Variants in ACSM3 observed in about 807,000 individuals in gnomAD.
ACSM3 encodes the protein acyl-coenzyme A synthetase ACSM3, mitochondrial.
Under a neutral mutation model 74.1 loss-of-function variants are expected in ACSM3, and 61 were observed. The observed-to-expected ratio is 0.82, with a 90% CI of 0.67 to 1.02. The LOEUF (loss-of-function observed/expected upper bound fraction) is 1.02. Ranked by LOEUF, ACSM3 falls within the 50% of genes least tolerant of loss-of-function variation. ACSM3 has a pLI of 0.00. For missense variants in ACSM3, 660 were observed against 697.0 expected, an observed-to-expected ratio of 0.95 and a Z score of 0.60; for synonymous variants, 213 against 241.5, an observed-to-expected ratio of 0.88 and a Z score of 1.09.
chr16:20,741,481 G>GCAC, intron 1 of ACSM3: 1 of 1,308,414 alleles, frequency 7.6e-7, no homozygotes, highest in South Asian at 1.8e-5. Context: ...CTGGCAGCCG[G>GCAC]CCCGCCCGCC....
At chr16:20,792,923 G>C (rs1385157505) in intron 12 of ACSM3, among the ~76,000 whole-genome samples, 1 of 152,156 alleles carries the variant, frequency 6.6e-6, no homozygotes, top group Non-Finnish European at 1.5e-5. Context: ...CCTGCGTTTT[G>C]CCTGTGTGTC....
intron 1 of ACSM3, among the ~76,000 whole-genome samples, chr16:20,695,052 T>A (rs2079682259): frequency 6.6e-6 from 1 of 152,200 alleles, no homozygotes; most frequent in African/African-American, 2.4e-5. Context: ...ACCAATGTAC[T>A]CCTCTTGATC....
At chr16:20,741,727 C>T in intron 1 of ACSM3, 1 of 1,571,972 alleles carries the variant, frequency 6.4e-7, no homozygotes, top group Non-Finnish European at 8.6e-7. Context: ...GTCTGCTGGG[C>T]AGGGGCCGCC....
chr16:20,751,624 G>A (rs777783573), intron 2 of ACSM3, among the ~76,000 whole-genome samples: 1 of 152,054 alleles, frequency 6.6e-6, no homozygotes. Context: ...AGTGGGGCTC[G>A]GAGAAGCCCT....
intron 1 of ACSM3, among the ~76,000 whole-genome samples, chr16:20,684,855 G>T (rs1264622132): frequency 6.6e-6 from 1 of 151,620 alleles, no homozygotes; most frequent in Non-Finnish European, 1.5e-5. Context: ...ATGTGTGTTT[G>T]TGTGTGTGTG....
intron 1 of ACSM3, chr16:20,736,232 G>A (rs2079867755): frequency 6.6e-6 from 1 of 152,160 alleles, no homozygotes; most frequent in Non-Finnish European, 1.5e-5. Flanking sequence ...CTAGTATACT[G>A]AAGTATACTC....
At chr16:20,685,450 A>G (rs963433476) in intron 1 of ACSM3, 16 of 1,559,646 alleles carry the variant, frequency 1.0e-5, no homozygotes, top group Non-Finnish European at 1.4e-5. Flanking sequence ...TCAAAGAAAA[A>G]GGGCACTTAG....
intron 1 of ACSM3, among the ~76,000 whole-genome samples, chr16:20,696,183 G>A (rs1045835238): frequency 6.6e-6 from 1 of 152,180 alleles, no homozygotes; most frequent in Admixed American, 6.5e-5. Flanking sequence ...CACTCTATGA[G>A]TTCCCATAAT....
intron 1 of ACSM3, among the ~76,000 whole-genome samples, chr16:20,714,325 T>C (rs1458411297): frequency 2.0e-5 from 3 of 152,052 alleles, no homozygotes; most frequent in African/African-American, 7.2e-5. Flanking sequence ...GGCCAGATTA[T>C]GGAAGATCTC....
At chr16:20,788,575 T>C (rs1484940343) in intron 9 of ACSM3, among the ~76,000 whole-genome samples, 2 of 152,210 alleles carry the variant, frequency 1.3e-5, no homozygotes, top group Non-Finnish European at 1.5e-5. Flanking sequence ...AGTAACATTC[T>C]GGCATCTGGG....
In ACSM3 at chr16:20,797,068, A is replaced by G. The variant is rs2080737348; in HGVS notation, c.*96A>G. The G allele has an allele frequency of 2.7e-6, 4 of 1,486,500 alleles. No individual in the cohort carries two copies. Among genetic ancestry groups the G allele is most frequent in the Non-Finnish European group, 3.6e-6 (4 of 1,124,018 alleles). 92.1% of individuals were successfully genotyped at this position (1,486,500 alleles called of 1,614,324 possible). A position where few individuals can be genotyped will look rare whatever the true frequency, so the allele number is the denominator to read the frequency against. On this transcript the variant is annotated 3_prime_UTR_variant, in exon 14 of 14. Transcript: ENST00000289416. ...ATGGAGAGGTCATAAAAACTGTGGT[A>G]GTATGCTTAGAAACTGTTGATTTAA...
intron 1 of ACSM3, chr16:20,721,106 G>A (rs1356927069): frequency 6.6e-6 from 1 of 152,256 alleles, no homozygotes; most frequent in African/African-American, 2.4e-5. Context: ...TTGATGATGA[G>A]GTCTTTGGAG....
intron 2 of ACSM3, among the ~76,000 whole-genome samples, chr16:20,775,399 T>A (rs1422079226): frequency 2.0e-5 from 3 of 152,092 alleles, no homozygotes; most frequent in Non-Finnish European, 4.4e-5. Context: ...CTCCTGTAGG[T>A]GGGACTTCAG....
chr16:20,741,769 C>T, intron 1 of ACSM3: 1 of 1,552,584 alleles, frequency 6.4e-7, no homozygotes, highest in East Asian at 2.4e-5. Flanking sequence ...GAAAGAGAAA[C>T]GTTTCTCCGC....
intron 1 of ACSM3, among the ~76,000 whole-genome samples, chr16:20,739,235 G>A (rs1438990958): frequency 6.6e-6 from 1 of 151,506 alleles, no homozygotes; most frequent in Non-Finnish European, 1.5e-5. Context: ...GAGTGCAGTG[G>A]TGCGATCTTG....
chr16:20,728,752 G>A (rs982347922), intron 1 of ACSM3, among the ~76,000 whole-genome samples: 5 of 152,000 alleles, frequency 3.3e-5, no homozygotes, highest in African/African-American at 7.3e-5. Flanking sequence ...GGTGGAAGAG[G>A]GGCTTTTTAT....
chr16:20,682,223 T>G, intron 1 of ACSM3: 1 of 1,601,964 alleles, frequency 6.2e-7, no homozygotes, highest in Non-Finnish European at 8.5e-7. Flanking sequence ...ACAACTGTAC[T>G]CAGAGATTAT....
At chr16:20,748,638 A>C (rs931755111) in intron 1 of ACSM3, among the ~76,000 whole-genome samples, 6 of 152,234 alleles carry the variant, frequency 3.9e-5, no homozygotes, top group Admixed American at 2.0e-4. Flanking sequence ...TTTTTACCAA[A>C]AAAGTTGAGG....
intron 1 of ACSM3, chr16:20,690,926 C>T: frequency 1.9e-5 from 28 of 1,483,748 alleles, no homozygotes; most frequent in Non-Finnish European, 2.5e-5. Flanking sequence ...TACCTTTCAG[C>T]CTAGTAGGAG....
Sources: allele counts gnomAD v4.1 joint callset (sites outside exome capture counted in the v4.1 genomes callset), GRCh38; gene constraint gnomAD v4.1.1; transcripts MANE v1.5; gene names NCBI Gene and HGNC (gene_info 2026-07-23, HGNC 2026-07-21).